The following STRBP variants were observed in gnomAD, a reference collection of about 807,000 sequenced individuals.
STRBP encodes the protein spermatid perinuclear RNA-binding protein.
A neutral mutation model predicts 80.1 loss-of-function variants in STRBP; 13 were observed. The observed-to-expected ratio is 0.16, with a 90% confidence interval of 0.11 to 0.26. The LOEUF (loss-of-function observed/expected upper bound fraction) is 0.26. STRBP is among the 10% of genes least tolerant of loss of function. The pLI is 1.00. For synonymous variants in STRBP, 284 were observed against 291.2 expected (o/e 0.98, Z 0.25); for missense variants, 485 against 815.2 (o/e 0.59, Z 4.93).
intron 4 of STRBP, among the ~76,000 whole-genome samples, chr9:123,178,335 A>T (rs2038311702): frequency 6.6e-6 from 1 of 152,220 alleles, no homozygotes; most frequent in Non-Finnish European, 1.5e-5. Flanking sequence ...AATCATTGTG[A>T]CAACTGCTCA....
At chr9:123,193,430 T>G (rs2038992821) in intron 2 of STRBP, among the ~76,000 whole-genome samples, 1 of 152,134 alleles carries the variant, frequency 6.6e-6, no homozygotes, top group African/African-American at 2.4e-5. Flanking sequence ...TAAGCACAAA[T>G]TCCATTACTT....
rs899119849 is a variant in STRBP, at chr9:123,191,232, G to T, written c.-164-6934C>A. 3.9e-5 allele frequency among the ~76,000 whole-genome samples: 6 copies of T among 152,110 alleles called. No individual in the cohort carries two copies. The East Asian group carries it at 5.8e-4, about 15-fold the overall frequency. On this transcript the variant is annotated intron_variant, in intron 2 of 18. Transcript: ENST00000348403. ...GTGCCATTTTAACAGATAGTCAAGG[G>T]TTCACTGCAAAGGTGGCACCTAAGC...
At chr9:123,153,439 C>T (rs1166170494) in intron 11 of STRBP, among the ~76,000 whole-genome samples, 1 of 152,188 alleles carries the variant, frequency 6.6e-6, no homozygotes, top group African/African-American at 2.4e-5. Context: ...GATCTGCCCA[C>T]CTCAGCCTCC....
At chr9:123,146,639 TCTTTA>T (rs1440884882) in intron 13 of STRBP, among the ~76,000 whole-genome samples, 2 of 151,134 alleles carry the variant, frequency 1.3e-5, no homozygotes, top group Non-Finnish European at 2.9e-5. Flanking sequence ...ATATTTTAAT[TCTTTA>T]CTTCTTTCCG....
chr9:123,213,576 T>G (rs1401460274), intron 2 of STRBP: 1 of 152,186 alleles, frequency 6.6e-6, no homozygotes, highest in Admixed American at 6.5e-5. Context: ...TTTAGAGGAA[T>G]GAAGTGACTT....
chr9:123,238,522 C>A (rs1255403531), intron 1 of STRBP, among the ~76,000 whole-genome samples: 1 of 152,208 alleles, frequency 6.6e-6, no homozygotes, highest in South Asian at 2.1e-4. Context: ...TAGCTACTTA[C>A]AAAACCATTA....
chr9:123,172,291 A>T (rs2038044882), intron 5 of STRBP, among the ~76,000 whole-genome samples: 1 of 152,242 alleles, frequency 6.6e-6, no homozygotes, highest in African/African-American at 2.4e-5. Flanking sequence ...TGTTTACTAT[A>T]CTAACAGCAG....
chr9:123,163,242 G>T (rs903564355), intron 6 of STRBP, among the ~76,000 whole-genome samples: 2 of 152,206 alleles, frequency 1.3e-5, no homozygotes, highest in Admixed American at 1.3e-4. Context: ...CCAGGGATCA[G>T]AGGTTGTAAT....
chr9:123,147,081 G>A, intron 12 of STRBP, 27 bp from the exon 13 acceptor site: 1 of 1,581,678 alleles, frequency 6.3e-7, no homozygotes, highest in South Asian at 1.1e-5. Context: ...AATGAGGTCA[G>A]AAATTAACTA....
chr9:123,147,268 G>T (rs767996790), intron 12 of STRBP, among the ~76,000 whole-genome samples: 1 of 151,842 alleles, frequency 6.6e-6, no homozygotes, highest in East Asian at 1.9e-4. Context: ...ATTAATTTTC[G>T]CTTGTCAATA....
At chr9:123,257,456 C>T (rs980787530) in intron 1 of STRBP, among the ~76,000 whole-genome samples, 4 of 151,806 alleles carry the variant, frequency 2.6e-5, no homozygotes, top group African/African-American at 9.7e-5. Flanking sequence ...ACACCCACAT[C>T]CCATACTATC....
At chr9:123,240,982 C>A (rs563618367) in intron 1 of STRBP, among the ~76,000 whole-genome samples, 233 of 152,118 alleles carry the variant, frequency 1.5e-3, no homozygotes, top group Admixed American at 3.1e-3. Flanking sequence ...GAGTTCATGA[C>A]CAGCCTGACC....
At chr9:123,154,424 A>G (rs1233476674) in intron 11 of STRBP, among the ~76,000 whole-genome samples, 1 of 152,198 alleles carries the variant, frequency 6.6e-6, no homozygotes, top group East Asian at 1.9e-4. Context: ...TGGGAAAGAA[A>G]ATCTAGGAAA....
At chr9:123,188,372 G>A (rs1215001037) in intron 2 of STRBP, among the ~76,000 whole-genome samples, 2 of 152,112 alleles carry the variant, frequency 1.3e-5, no homozygotes, top group Admixed American at 1.3e-4. Flanking sequence ...CAGGTGCGGT[G>A]GCTCACGTCT....
chr9:123,198,956 CTTT>C (rs2039209134), intron 2 of STRBP, among the ~76,000 whole-genome samples: 2 of 152,120 alleles, frequency 1.3e-5, no homozygotes, highest in Admixed American at 6.5e-5. Context: ...GTCCCTACTT[CTTT>C]TTTTGAGATG....
chr9:123,266,918 T>G (rs1421845489), intron 1 of STRBP, among the ~76,000 whole-genome samples: 1 of 151,760 alleles, frequency 6.6e-6, no homozygotes, highest in Non-Finnish European at 1.5e-5. Context: ...AAACCTGTGC[T>G]TCCCTCCCTC....
downstream of STRBP, among the ~76,000 whole-genome samples, chr9:123,120,859 G>A (rs1202376546): frequency 1.3e-5 from 2 of 152,124 alleles, no homozygotes; most frequent in Admixed American, 6.5e-5. Context: ...TCCAAGTGAC[G>A]CCTATTTTGG....
intron 11 of STRBP, among the ~76,000 whole-genome samples, chr9:123,155,081 A>AAGAGGCGAGGCATTTTCTGC (rs2037223871): frequency 6.6e-6 from 1 of 152,220 alleles, no homozygotes; most frequent in Non-Finnish European, 1.5e-5. Context: ...GGTCGGTCTT[A>AAGAGGCGAGGCATTTTCTGC]AGAGGCGAGG....
chr9:123,224,153 G>A (rs1360635019), intron 2 of STRBP, among the ~76,000 whole-genome samples: 1 of 152,164 alleles, frequency 6.6e-6, no homozygotes, highest in Non-Finnish European at 1.5e-5. Context: ...ATCTTTACAA[G>A]GTGGAGCCCC....
Sources: gnomAD v4.1 joint callset for allele counts (sites outside exome capture counted in the v4.1 genomes callset) on GRCh38, gnomAD v4.1.1 for gene constraint, MANE v1.5 for transcripts, NCBI Gene and HGNC (gene_info 2026-07-23, HGNC 2026-07-21) for gene names.